Variants in PARD3B observed in about 807,000 individuals in gnomAD.
PARD3B encodes the protein partitioning defective 3 homolog B.
A neutral mutation model predicts 130.2 loss-of-function variants in PARD3B; 103 were observed. The ratio of observed to expected loss-of-function variants is 0.79; its 90% confidence interval spans 0.67 to 0.93. The LOEUF (loss-of-function observed/expected upper bound fraction) is 0.93, where lower values mean the gene tolerates loss of function less well. Among genes scored for constraint, PARD3B ranks in the 40% least tolerant of loss-of-function variants. The probability of loss-of-function intolerance (pLI) is 0.00; values close to 1 mark genes in which losing one functional copy is unlikely to be tolerated. For synonymous variants in PARD3B, 583 were observed against 553.2 expected (o/e 1.05, Z -0.76); for missense variants, 1,609 against 1,499.2 (o/e 1.07, Z -1.21).
chr2:205,085,682 A>G (rs1701700934), intron 4 of PARD3B, among the ~76,000 whole-genome samples: 2 of 151,998 alleles, frequency 1.3e-5, no homozygotes, highest in Non-Finnish European at 2.9e-5. Context: ...TTTTTATCTT[A>G]AAGTTAGCAT....
chr2:204,640,968 AT>A (rs2035057055), intron 1 of PARD3B, among the ~76,000 whole-genome samples: 1 of 147,838 alleles, frequency 6.8e-6, no homozygotes, highest in East Asian at 1.9e-4. Context: ...TGTATATATA[AT>A]ATATATTTAC....
intron 22 of PARD3B, among the ~76,000 whole-genome samples, chr2:205,607,976 C>T (rs2055076737): frequency 6.6e-6 from 1 of 151,902 alleles, no homozygotes; most frequent in Admixed American, 6.6e-5. Context: ...AGGTAGTTTA[C>T]ATCAAAATCT....
intron 2 of PARD3B, among the ~76,000 whole-genome samples, chr2:204,815,370 AT>A (rs1327033063): frequency 6.6e-6 from 1 of 151,918 alleles, no homozygotes; most frequent in Non-Finnish European, 1.5e-5. Context: ...CTGTCATAAT[AT>A]TATCTGTCAT....
At chr2:205,441,320 T>C (rs986140476) in intron 20 of PARD3B, among the ~76,000 whole-genome samples, 1 of 152,180 alleles carries the variant, frequency 6.6e-6, no homozygotes, top group Non-Finnish European at 1.5e-5. Context: ...GTCAGTACAA[T>C]TGAAGTAGGT....
intron 2 of PARD3B, among the ~76,000 whole-genome samples, chr2:204,779,645 CTG>C (rs1297233297): frequency 6.6e-6 from 1 of 152,152 alleles, no homozygotes; most frequent in African/African-American, 2.4e-5. Context: ...CTACCAACCA[CTG>C]TATTAAATAA....
intron 11 of PARD3B, among the ~76,000 whole-genome samples, chr2:205,171,695 A>T (rs964992709): frequency 2.8e-4 from 42 of 152,212 alleles, no homozygotes; most frequent in Non-Finnish European, 5.7e-4. Context: ...AGACAAAATT[A>T]TGTGGTTGTT....
At chr2:205,434,202 A>G (rs2047433742) in intron 19 of PARD3B, among the ~76,000 whole-genome samples, 1 of 152,070 alleles carries the variant, frequency 6.6e-6, no homozygotes, top group Non-Finnish European at 1.5e-5. Context: ...AGGACATCTC[A>G]TTGTAGTTTT....
chr2:205,413,903 C>T (rs1046576826), intron 19 of PARD3B, among the ~76,000 whole-genome samples: 3 of 152,224 alleles, frequency 2.0e-5, no homozygotes, highest in African/African-American at 4.8e-5. Context: ...GTTTTAAGTA[C>T]CATTTATTTT....
chr2:205,217,880 A>G (rs2038021244), intron 15 of PARD3B, among the ~76,000 whole-genome samples: 1 of 91,890 alleles, frequency 1.1e-5, no homozygotes, highest in Non-Finnish European at 2.1e-5. Flanking sequence ...ATATATATAT[A>G]TATATATATA....
intron 16 of PARD3B, among the ~76,000 whole-genome samples, chr2:205,278,049 G>A (rs141241195): frequency 8.6e-4 from 131 of 152,256 alleles, no homozygotes; most frequent in Non-Finnish European, 1.4e-3. Context: ...CGCGGAGGGA[G>A]GATAGGATTT....
At chr2:205,169,637 C>G (rs572030922) in intron 11 of PARD3B, among the ~76,000 whole-genome samples, 1 of 152,086 alleles carries the variant, frequency 6.6e-6, no homozygotes, top group Non-Finnish European at 1.5e-5. Flanking sequence ...TTCTTCCTGT[C>G]GTAGCAGATG....
chr2:205,448,888 T>C lies in PARD3B; in HGVS notation c.3044+8216T>C, dbSNP rs114081191. Among the ~76,000 whole-genome samples, 1,464 of 152,216 alleles carry C rather than the reference T, an allele frequency of 9.6e-3. 22 individuals carry two copies. The highest frequency in any genetic ancestry group is 0.032 in the African/African-American group (1,348 of 41,544). On this transcript the variant is annotated intron_variant, in intron 20 of 22. Coordinates refer to ENST00000406610, the MANE Select transcript of PARD3B (RefSeq NM_001302769.2). ...CCCTAACAAGAAAAGGAATTACGGT[T>C]GGGTGCCGTGGCTCAAGCCTGTAAT...
chr2:205,135,714 T>C (rs1321801526), intron 10 of PARD3B, among the ~76,000 whole-genome samples: 2 of 152,182 alleles, frequency 1.3e-5, no homozygotes, highest in African/African-American at 4.8e-5. Context: ...TTATTTTTAA[T>C]GAGTGTGCAG....
At chr2:205,228,753 T>C (rs2125888771) in intron 15 of PARD3B, among the ~76,000 whole-genome samples, 1 of 152,274 alleles carries the variant, frequency 6.6e-6, no homozygotes, top group East Asian at 1.9e-4. Context: ...ATTTGCTCTT[T>C]TGAGGCTGTT....
intron 1 of PARD3B, among the ~76,000 whole-genome samples, chr2:204,601,295 A>G (rs753667108): frequency 2.9e-4 from 44 of 151,950 alleles, no homozygotes; most frequent in Non-Finnish European, 4.7e-4. Flanking sequence ...CAGGTAATTA[A>G]CCTACATGAA....
chr2:204,823,703 G>A (rs74743555), intron 2 of PARD3B, among the ~76,000 whole-genome samples: 12,132 of 152,204 alleles, frequency 0.08, 650 homozygotes, highest in Non-Finnish European at 0.11. Flanking sequence ...ACTTTGGAAG[G>A]CCAAGGCGGT....
At chr2:204,934,499 AT>A (rs919279316) in intron 2 of PARD3B, among the ~76,000 whole-genome samples, 2 of 152,228 alleles carry the variant, frequency 1.3e-5, no homozygotes, top group Non-Finnish European at 2.9e-5. Flanking sequence ...TGATCAATTC[AT>A]TGATTACTCA....
At chr2:205,579,431 C>T (rs1056637248) in intron 22 of PARD3B, among the ~76,000 whole-genome samples, 1 of 152,142 alleles carries the variant, frequency 6.6e-6, no homozygotes, top group Admixed American at 6.6e-5. Flanking sequence ...GGAGCAGAGT[C>T]CCCAAAGGGG....
chr2:205,595,212 C>G (rs2054525491), intron 22 of PARD3B, among the ~76,000 whole-genome samples: 1 of 152,180 alleles, frequency 6.6e-6, no homozygotes, highest in African/African-American at 2.4e-5. Flanking sequence ...CCAGAGATCC[C>G]TCAGAACTGA....
Sources: gnomAD v4.1 joint callset for allele counts (sites outside exome capture counted in the v4.1 genomes callset) on GRCh38, gnomAD v4.1.1 for gene constraint, MANE v1.5 for transcripts, NCBI Gene and HGNC (gene_info 2026-07-23, HGNC 2026-07-21) for gene names.